Variants in SPAST observed in about 807,000 individuals in gnomAD.
SPAST encodes the protein spastic paraplegia 4 (autosomal dominant; spastin).
SPAST carries 30 observed loss-of-function variants against 76.6 expected under a neutral mutation model. The ratio of observed to expected loss-of-function variants is 0.39; its 90% CI spans 0.29 to 0.53. The LOEUF is 0.53. Among genes scored for constraint, SPAST ranks in the 20% least tolerant of loss-of-function variants. SPAST has a pLI of 0.68. For missense variants in SPAST, 717 were observed against 770.5 expected, an observed-to-expected ratio of 0.93 and a Z score of 0.82; for synonymous variants, 305 against 281.0, an observed-to-expected ratio of 1.09 and a Z score of -0.86.
rs182387015 is a variant in SPAST at position 32,113,948 on chromosome 2, T to G, written c.683-690T>G. ...AAAAATACTGTTTTTTGTTTTTTTG[T>G]TTTTTTTTTTATTTGAGATGGAATC... On this transcript the variant is annotated intron_variant, in intron 4 of 16. Coordinates refer to ENST00000315285, the MANE Select transcript of SPAST (RefSeq NM_014946.4). Among the ~76,000 whole-genome samples the G allele has an allele frequency of 2.9e-4, 43 of 146,366 alleles. 2 individuals are homozygous for G. In the South Asian group the frequency reaches 8.6e-3, roughly 29 times the overall value.
At chr2:32,100,554 G>A (rs908903901) in intron 4 of SPAST, among the ~76,000 whole-genome samples, 28 of 151,822 alleles carry the variant, frequency 1.8e-4, no homozygotes, top group Non-Finnish European at 2.8e-4. Flanking sequence ...TTGGTGTGCC[G>A]CACCCATTAA....
intron 4 of SPAST, among the ~76,000 whole-genome samples, chr2:32,110,543 TATATATA>T (rs1347142373): frequency 9.3e-4 from 122 of 131,242 alleles, no homozygotes; most frequent in African/African-American, 3.7e-3. Flanking sequence ...ATATATAGTA[TATATATA>T]CTATATAGTG....
At chr2:32,135,149 A>T (rs1441757630) in intron 9 of SPAST, among the ~76,000 whole-genome samples, 8 of 117,370 alleles carry the variant, frequency 6.8e-5, no homozygotes, top group African/African-American at 2.0e-4. Flanking sequence ...TGTGTGTGTG[A>T]GATGGAGTCT....
rs200837566 is a variant in SPAST at position 32,063,927 on chromosome 2, C to T, written c.96C>T (p.Ala32=). 3.1e-6 allele frequency: 5 copies of T among 1,597,436 alleles called. No individual in the cohort carries two copies. The African/African-American group carries it at 4.0e-5, about 13-fold the overall frequency. ...CTCCGCCCCCTTGCCTGGCCCCCGC[C>T]CCTCCCGCCGCCGGGCCGGCCCCTC... is the stretch of plus-strand genomic sequence containing the variant. ...PRPPPPCLAP[A]PPAAGPAPPP... The change falls in exon 1 of 17, where the codon GCC becomes GCT. Residue 32 remains alanine, a synonymous_variant. Transcript: ENST00000315285.
chr2:32,104,010 C>T (rs186563733), intron 4 of SPAST, among the ~76,000 whole-genome samples: 2 of 151,166 alleles, frequency 1.3e-5, no homozygotes, highest in African/African-American at 4.8e-5. Flanking sequence ...GAGTTCAGTT[C>T]CTGGATCTGT....
intron 2 of SPAST, among the ~76,000 whole-genome samples, chr2:32,088,461 A>G (rs572280296): frequency 1.5e-4 from 23 of 152,330 alleles, no homozygotes; most frequent in African/African-American, 5.3e-4. Flanking sequence ...CCTGATCAAC[A>G]TGGAGAAACC....
chr2:32,097,685 T>G (rs954844243), intron 3 of SPAST, among the ~76,000 whole-genome samples: 30 of 145,344 alleles, frequency 2.1e-4, no homozygotes, highest in Middle Eastern at 3.8e-3. Flanking sequence ...AATGTCCTTT[T>G]TTTTTTTCTT....
intron 12 of SPAST, among the ~76,000 whole-genome samples, chr2:32,141,320 C>T (rs1179926929): frequency 6.6e-6 from 1 of 152,162 alleles, no homozygotes; most frequent in Admixed American, 6.6e-5. Flanking sequence ...CCTATGCTAT[C>T]AATTAGGGTT....
chr2:32,099,945 G>A (rs1384105301), intron 4 of SPAST, among the ~76,000 whole-genome samples: 3 of 137,096 alleles, frequency 2.2e-5, no homozygotes, highest in Non-Finnish European at 4.8e-5. Context: ...CTGTATCTTG[G>A]CTGTTGTGAA....
chr2:32,086,477 A>T (rs1342026604), intron 1 of SPAST, among the ~76,000 whole-genome samples: 1 of 147,790 alleles, frequency 6.8e-6, no homozygotes, highest in East Asian at 2.0e-4. Flanking sequence ...AAAAAAAAAA[A>T]TGAGGCCGGG....
intron 12 of SPAST, among the ~76,000 whole-genome samples, 186 bp from the exon 13 acceptor site, chr2:32,141,718 C>T (rs1314985228): frequency 2.6e-5 from 4 of 152,048 alleles, no homozygotes; most frequent in Non-Finnish European, 5.9e-5. Flanking sequence ...TCTAACAATA[C>T]CGAATTAAGG....
At chr2:32,098,984 G>A (rs902150336) in intron 4 of SPAST, 93 bp downstream of exon 4, 4 of 867,994 alleles carry the variant, frequency 4.6e-6, no homozygotes, top group Admixed American at 1.9e-5. Context: ...TTTTATAATG[G>A]TAGGTTTAAT....
intron 4 of SPAST, among the ~76,000 whole-genome samples, chr2:32,110,575 ATATATAG>A (rs1558319802): frequency 7.8e-6 from 1 of 128,316 alleles, no homozygotes; most frequent in African/African-American, 3.1e-5. Flanking sequence ...TATATAGTAT[ATATATAG>A]TGTATATATC....
chr2:32,085,476 C>G (rs1677437790), intron 1 of SPAST, among the ~76,000 whole-genome samples: 1 of 152,100 alleles, frequency 6.6e-6, no homozygotes, highest in African/African-American at 2.4e-5. Flanking sequence ...CTTGGCCTCC[C>G]AAAGTGCTGG....
At chr2:32,112,371 G>A (rs1323620883) in intron 4 of SPAST, among the ~76,000 whole-genome samples, 4 of 139,266 alleles carry the variant, frequency 2.9e-5, no homozygotes, top group South Asian at 2.4e-4. Context: ...TTCCTAAGAC[G>A]GAGTCTCACT....
chr2:32,156,199 A>G lies in SPAST; in HGVS notation c.*1703A>G, dbSNP rs1424120983. On this transcript the variant is annotated 3_prime_UTR_variant, in exon 17 of 17. Coordinates refer to ENST00000315285, the MANE Select transcript of SPAST (RefSeq NM_014946.4). ...GATTACAGGCATGCGCCACTACCCC[A>G]GCTAATTTTGTATTTTTAGTAGAGA... 1 of 152,098 alleles carries G rather than the reference A, an allele frequency of 6.6e-6. No individual in the cohort carries two copies. The highest frequency in any genetic ancestry group is 2.4e-5 in the African/African-American group (1 of 41,346). The allele number at this position is 152,098 out of a possible 1,614,324, so 9.4% of individuals were successfully genotyped here.
chr2:32,064,367 A>G, intron 1 of SPAST, 121 bp downstream of exon 1: 5 of 913,394 alleles, frequency 5.5e-6, no homozygotes, highest in East Asian at 2.7e-5. Flanking sequence ...CGGAATTGAT[A>G]TGCCCCGGGA....
intron 1 of SPAST, among the ~76,000 whole-genome samples, chr2:32,085,765 G>A (rs1677450331): frequency 1.3e-5 from 2 of 152,172 alleles, no homozygotes; most frequent in African/African-American, 2.4e-5. Flanking sequence ...GGCCAGGTGC[G>A]GTGGCTCGTG....
rs1465599390 is a variant in SPAST, at chr2:32,157,095, T to G, written c.*2599T>G. On this transcript the variant is annotated 3_prime_UTR_variant, in exon 17 of 17. Coordinates refer to ENST00000315285, the MANE Select transcript of SPAST (RefSeq NM_014946.4). ...TAATAATGACTTAGATTGTGACCTT[T>G]TAGATTCGGTGTTGAGCTCTGTGTT... 2 of 152,620 alleles carry G rather than the reference T, an allele frequency of 1.3e-5. No homozygotes were observed. Among genetic ancestry groups the G allele is most frequent in the African/African-American group, 4.8e-5 (2 of 41,446 alleles). 9.5% of individuals were successfully genotyped at this position (152,620 alleles called of 1,614,324 possible). A position where few individuals can be genotyped will look rare whatever the true frequency, so the allele number is the denominator to read the frequency against.
Sources: allele counts gnomAD v4.1 joint callset (sites outside exome capture counted in the v4.1 genomes callset), GRCh38; gene constraint gnomAD v4.1.1; transcripts MANE v1.5; gene names NCBI Gene and HGNC (gene_info 2026-07-23, HGNC 2026-07-21).